PRMT8: variants seen among roughly 807,000 people sequenced by gnomAD.
PRMT8 encodes the protein protein arginine methyltransferase 8.
A neutral mutation model predicts 47.1 loss-of-function variants in PRMT8; 7 were observed. That is an observed-to-expected ratio of 0.15 (90% confidence interval 0.08 to 0.28). The LOEUF (loss-of-function observed/expected upper bound fraction) is 0.28, where lower values mean the gene tolerates loss of function less well. Among genes scored for constraint, PRMT8 ranks in the 10% least tolerant of loss-of-function variants. The pLI, the probability that PRMT8 is intolerant of heterozygous loss-of-function variation, is 1.00. For synonymous variants in PRMT8, 188 were observed against 186.5 expected, an observed-to-expected ratio of 1.01 and a Z score of -0.07; for missense variants, 237 against 505.4, an observed-to-expected ratio of 0.47 and a Z score of 5.09.
intron 1 of PRMT8, among the ~76,000 whole-genome samples, chr12:3,393,428 A>G (rs1864215551): frequency 6.6e-6 from 1 of 151,120 alleles, no homozygotes; most frequent in African/African-American, 2.4e-5. Flanking sequence ...AGCTTTCTAC[A>G]TATGGCTAGC....
At chr12:3,416,302 A>G (rs1864483132) in intron 1 of PRMT8, among the ~76,000 whole-genome samples, 1 of 152,120 alleles carries the variant, frequency 6.6e-6, no homozygotes, top group Non-Finnish European at 1.5e-5. Context: ...CCTGAAATCT[A>G]CCTACCCCTC....
chr12:3,519,296 G>C (rs1272831215), intron 1 of PRMT8, among the ~76,000 whole-genome samples: 1 of 152,226 alleles, frequency 6.6e-6, no homozygotes, highest in Admixed American at 6.5e-5. Flanking sequence ...ACCAAAGGGA[G>C]ACACTGAAGA....
At chr12:3,403,116 C>G (rs1864334789) in intron 1 of PRMT8, among the ~76,000 whole-genome samples, 1 of 152,110 alleles carries the variant, frequency 6.6e-6, no homozygotes, top group African/African-American at 2.4e-5. Flanking sequence ...ACAGATACAC[C>G]ATGGAATACT....
intron 8 of PRMT8, among the ~76,000 whole-genome samples, chr12:3,590,151 A>G (rs1867268009): frequency 1.3e-5 from 2 of 152,172 alleles, no homozygotes; most frequent in African/African-American, 4.8e-5. Flanking sequence ...CACATTCATG[A>G]TCCTCCTTCC....
chr12:3,493,818 G>C lies in PRMT8; in HGVS notation c.75+2118G>C, dbSNP rs114858056. On this transcript the variant is annotated intron_variant, in intron 1 of 9. Coordinates refer to ENST00000382622, the MANE Select transcript of PRMT8 (RefSeq NM_019854.5). This position sits in a 1 kb window ranked among gnomAD's most constrained non-coding sequence, Gnocchi z 8.2. The stretch of plus-strand genomic sequence containing the variant: ...AAACAAACAAACAAAAAACCACGTC[G>C]CGTGCGGGGCACCAAGGCGGTGCGG... 6.9e-3 allele frequency among the ~76,000 whole-genome samples: 1,048 copies of C among 152,334 alleles called. 12 individuals are homozygous for C. Among genetic ancestry groups the C allele is most frequent in the African/African-American group, 0.023 (973 of 41,580 alleles).
chr12:3,579,975 AG>A (rs1202519982), intron 7 of PRMT8, among the ~76,000 whole-genome samples: 1 of 151,592 alleles, frequency 6.6e-6, no homozygotes, highest in Admixed American at 6.6e-5. Context: ...CTCCTAGTCG[AG>A]GGGCTGGGCT....
intron 1 of PRMT8, among the ~76,000 whole-genome samples, chr12:3,405,685 A>C (rs945386346): frequency 6.6e-6 from 1 of 152,222 alleles, no homozygotes; most frequent in African/African-American, 2.4e-5. Context: ...ATGAAGCCTT[A>C]AAGTTCCAAA....
chr12:3,517,494 A>T (rs1353472868), intron 1 of PRMT8, among the ~76,000 whole-genome samples: 1 of 152,170 alleles, frequency 6.6e-6, no homozygotes, highest in East Asian at 1.9e-4. Flanking sequence ...CACTGCAGCA[A>T]CCAGGCAAGC....
chr12:3,461,917 G>A (rs1373232814), intron 1 of PRMT8, among the ~76,000 whole-genome samples: 1 of 152,026 alleles, frequency 6.6e-6, no homozygotes, highest in Admixed American at 6.5e-5. Flanking sequence ...TTTATTTTAG[G>A]TTCAGGATTA....
upstream of PRMT8, among the ~76,000 whole-genome samples, chr12:3,490,551 G>C (rs56240720): frequency 6.7e-6 from 1 of 150,238 alleles, no homozygotes; most frequent in Non-Finnish European, 1.5e-5. Context: ...TGGAGTGGGG[G>C]GGGGGGCACT....
chr12:3,507,851 C>T (rs539888014), intron 1 of PRMT8, among the ~76,000 whole-genome samples: 17 of 151,578 alleles, frequency 1.1e-4, no homozygotes, highest in East Asian at 1.9e-4. Context: ...CTCTGCCTCC[C>T]GGGTTCATGC....
Position 3,550,141 on chromosome 12 carries a change from T to C in PRMT8, c.417+50T>C. The C allele has an allele frequency of 6.3e-7, 1 of 1,599,688 alleles. No homozygotes were observed. Among genetic ancestry groups the C allele is most frequent in the Non-Finnish European group, 8.5e-7 (1 of 1,169,804 alleles). On this transcript the variant is annotated intron_variant, in intron 3 of 9. Coordinates refer to ENST00000382622, the MANE Select transcript of PRMT8 (RefSeq NM_019854.5). This position sits in a 1 kb window ranked among gnomAD's most constrained non-coding sequence, Gnocchi z 5.1. ...TGCTGGCTTCCACAGAGCCAGCCTC[T>C]TGCCCTCTGCCTCCACCCGCCCTTC...
chr12:3,541,390 C>G (rs1405148242), intron 2 of PRMT8, among the ~76,000 whole-genome samples: 1 of 152,204 alleles, frequency 6.6e-6, no homozygotes, highest in African/African-American at 2.4e-5. Context: ...GCATCCTGGC[C>G]ATAGTGGGGG....
At chr12:3,587,315 A>G (rs1867200742) in intron 8 of PRMT8, among the ~76,000 whole-genome samples, 1 of 150,378 alleles carries the variant, frequency 6.6e-6, no homozygotes, top group Admixed American at 6.6e-5. Flanking sequence ...ATACTAACAA[A>G]ATAAATTAAT....
chr12:3,441,821 A>G (rs1033544708), intron 1 of PRMT8, among the ~76,000 whole-genome samples: 19 of 152,234 alleles, frequency 1.2e-4, no homozygotes, highest in Non-Finnish European at 2.8e-4. Context: ...CTTAAACTAC[A>G]AAGAGGACCT....
At chr12:3,404,943 C>G (rs1461371560) in intron 1 of PRMT8, among the ~76,000 whole-genome samples, 1 of 152,156 alleles carries the variant, frequency 6.6e-6, no homozygotes, top group East Asian at 1.9e-4. Context: ...TTTTTTCCCT[C>G]TATTAGGATA....
At chr12:3,544,866 T>C (rs969660401) in intron 2 of PRMT8, among the ~76,000 whole-genome samples, 4 of 152,194 alleles carry the variant, frequency 2.6e-5, no homozygotes, top group African/African-American at 4.8e-5. Context: ...GCACAATAGC[T>C]GGGAGCTTAC....
chr12:3,590,749 A>G (rs1867280870), intron 8 of PRMT8, among the ~76,000 whole-genome samples: 1 of 152,158 alleles, frequency 6.6e-6, no homozygotes, highest in Non-Finnish European at 1.5e-5. Flanking sequence ...CCCCAGGGTA[A>G]CTGGAGTACA....
At position 3,514,678 on chromosome 12, in the gene PRMT8, GACAGGAGCACCAGTGGGAGGGCA is replaced by G. The variant is rs1391150647; in HGVS notation, c.75+23000_75+23022del. Among the ~76,000 whole-genome samples the G allele has an allele frequency of 4.6e-5, 7 of 151,128 alleles. No homozygotes were observed. The highest frequency in any genetic ancestry group is 2.0e-4 in the East Asian group (1 of 5,034). On this transcript the variant is annotated intron_variant, in intron 1 of 9. Transcript: ENST00000382622. This position sits in a 1 kb window ranked among gnomAD's most constrained non-coding sequence, Gnocchi z 5.9. The stretch of plus-strand genomic sequence containing the variant: ...TTCCGGCTGGGTTCTGCCTGTGGGC[GACAGGAGCACCAGTGGGAGGGCA>G]ACAGGAGCACCAGTGGGAGGGTGGG...
Sources: allele counts gnomAD v4.1 joint callset (sites outside exome capture counted in the v4.1 genomes callset), GRCh38; gene constraint gnomAD v4.1.1; non-coding constraint Gnocchi (gnomAD v3.1); transcripts MANE v1.5; gene names NCBI Gene and HGNC (gene_info 2026-07-23, HGNC 2026-07-21).